Variants in MECOM observed in about 807,000 individuals in gnomAD.
MECOM encodes the protein MDS1 and EVI1 complex locus, also known as histone-lysine N-methyltransferase MECOM.
Under a neutral mutation model 116.3 loss-of-function variants are expected in MECOM, and 13 were observed. The observed-to-expected ratio is 0.11, with a 90% CI of 0.07 to 0.18. MECOM has a LOEUF of 0.18. MECOM is among the 10% of genes least tolerant of loss of function. The pLI is 1.00. For missense variants in MECOM, 1,299 were observed against 1,509.0 expected, an observed-to-expected ratio of 0.86 and a Z score of 2.31; for synonymous variants, 528 against 535.2, an observed-to-expected ratio of 0.99 and a Z score of 0.19.
chr3:169,522,914 A>G (rs1576704529), intron 1 of MECOM, among the ~76,000 whole-genome samples: 1 of 152,212 alleles, frequency 6.6e-6, no homozygotes, highest in East Asian at 1.9e-4. Flanking sequence ...ACCAGTATTT[A>G]GTGCCAGATC....
intron 1 of MECOM, among the ~76,000 whole-genome samples, chr3:169,600,122 C>T (rs941538759): frequency 5.3e-5 from 8 of 152,160 alleles, no homozygotes; most frequent in Admixed American, 4.6e-4. Flanking sequence ...GCTGTGTGTG[C>T]CACCACACCC....
intron 1 of MECOM, among the ~76,000 whole-genome samples, chr3:169,542,779 T>C (rs552875604): frequency 2.6e-4 from 39 of 152,344 alleles, no homozygotes; most frequent in African/African-American, 8.9e-4. Context: ...ATATCCTAAC[T>C]GCTGCATCCA....
At chr3:169,288,844 A>T (rs986939454) in intron 2 of MECOM, among the ~76,000 whole-genome samples, 1 of 152,248 alleles carries the variant, frequency 6.6e-6, no homozygotes, top group Non-Finnish European at 1.5e-5. Flanking sequence ...TGTGTAAAAT[A>T]GATTGCATAA....
Position 169,121,183 on chromosome 3 carries a change from C to T in MECOM, c.1005G>A (p.Gln335=), listed in dbSNP as rs1730907624. 1.9e-6 allele frequency: 3 copies of T among 1,612,066 alleles called. No homozygotes were observed. Among genetic ancestry groups the T allele is most frequent in the East Asian group, 4.5e-5 (2 of 44,848 alleles). Residue 335 remains glutamine, a synonymous_variant, in exon 7 of 17, where the codon CAG becomes CAA. Coordinates refer to ENST00000651503, the MANE Select transcript of MECOM (RefSeq NM_004991.4). ...AKVFTDPSNL[Q]RHIRSQHVGA... ...CGACATGCTGAGAGCGAATGTGCCG[C>T]TGAAGGTTGCTAGGGTCCGTGAAAA... is the stretch of plus-strand genomic sequence containing the variant.
chr3:169,504,964 A>T, intron 1 of MECOM, among the ~76,000 whole-genome samples: 1 of 152,170 alleles, frequency 6.6e-6, no homozygotes, highest in East Asian at 1.9e-4. Context: ...TACTGGCCCA[A>T]AAAGGAGGCT....
intron 1 of MECOM, among the ~76,000 whole-genome samples, chr3:169,444,027 CA>C (rs1277217946): frequency 2.6e-5 from 4 of 152,228 alleles, no homozygotes; most frequent in African/African-American, 4.8e-5. Flanking sequence ...AACTGCATCT[CA>C]GGGCTCTTTC....
At chr3:169,646,224 C>T (rs547464640) in intron 1 of MECOM, among the ~76,000 whole-genome samples, 52 of 149,208 alleles carry the variant, frequency 3.5e-4, no homozygotes, top group African/African-American at 1.2e-3. Flanking sequence ...TGCCAAACAC[C>T]GCATGTTCTC....
intron 3 of MECOM, among the ~76,000 whole-genome samples, chr3:169,139,320 T>G (rs371507716): frequency 2.6e-5 from 4 of 152,248 alleles, no homozygotes; most frequent in African/African-American, 9.6e-5. Context: ...TCACCTTGTG[T>G]AAATGACAAG....
At chr3:169,579,769 C>A (rs1017000663) in intron 1 of MECOM, among the ~76,000 whole-genome samples, 9 of 152,158 alleles carry the variant, frequency 5.9e-5, no homozygotes, top group Admixed American at 5.2e-4. Flanking sequence ...TATTCTACCA[C>A]CTATACACGG....
chr3:169,580,842 T>C (rs1765047816), intron 1 of MECOM, among the ~76,000 whole-genome samples: 1 of 152,212 alleles, frequency 6.6e-6, no homozygotes, highest in Admixed American at 6.5e-5. Flanking sequence ...TTTTGTTTTG[T>C]TTTGTTTTTG....
chr3:169,336,051 T>C (rs568184986), intron 2 of MECOM, among the ~76,000 whole-genome samples: 57 of 152,278 alleles, frequency 3.7e-4, no homozygotes, highest in Non-Finnish European at 6.5e-4. Context: ...GATATCAAAA[T>C]GGCTTTCTGG....
intron 1 of MECOM, among the ~76,000 whole-genome samples, chr3:169,570,846 A>G (rs1763804362): frequency 6.6e-6 from 1 of 152,196 alleles, no homozygotes. Flanking sequence ...TCTAAAAATA[A>G]TAAGAGCTAC....
intron 1 of MECOM, among the ~76,000 whole-genome samples, chr3:169,525,275 T>C (rs376683636): frequency 9.9e-5 from 15 of 152,238 alleles, no homozygotes; most frequent in Non-Finnish European, 1.5e-4. Context: ...GGTAATGACA[T>C]TGGAAATAAA....
At chr3:169,554,310 C>T (rs1031942739) in intron 1 of MECOM, among the ~76,000 whole-genome samples, 7 of 152,154 alleles carry the variant, frequency 4.6e-5, no homozygotes, top group South Asian at 2.1e-4. Context: ...AAAATGAACA[C>T]GTGCTGAGAT....
intron 2 of MECOM, among the ~76,000 whole-genome samples, chr3:169,272,615 C>T (rs1161653630): frequency 1.3e-5 from 2 of 152,230 alleles, no homozygotes; most frequent in South Asian, 4.1e-4. Flanking sequence ...TTTTAAATTA[C>T]ATCTGAATGC....
intron 1 of MECOM, chr3:169,389,536 G>C (rs1258323864): frequency 3.0e-6 from 3 of 984,812 alleles, no homozygotes; most frequent in East Asian, 1.1e-4. Flanking sequence ...ACAAATTTTT[G>C]AGAGACTTTT....
intron 2 of MECOM, among the ~76,000 whole-genome samples, chr3:169,340,291 G>A (rs1477299623): frequency 1.3e-5 from 2 of 152,082 alleles, no homozygotes; most frequent in East Asian, 1.9e-4. Context: ...ACGGGTTGCC[G>A]CTACTGATCG....
At chr3:169,549,379 AAG>A (rs1190039544) in intron 1 of MECOM, among the ~76,000 whole-genome samples, 3 of 151,726 alleles carry the variant, frequency 2.0e-5, no homozygotes, top group Non-Finnish European at 4.4e-5. Context: ...AACAGCATTA[AAG>A]AGAGAGTTTC....
chr3:169,168,337 C>CTTTTTT (rs1166736467), intron 2 of MECOM, among the ~76,000 whole-genome samples: 1 of 108,464 alleles, frequency 9.2e-6, no homozygotes, highest in Non-Finnish European at 1.9e-5. Context: ...ACTTGGCCTG[C>CTTTTTT]TTTTTTTTTT....
Sources: allele counts gnomAD v4.1 joint callset (sites outside exome capture counted in the v4.1 genomes callset), GRCh38; gene constraint gnomAD v4.1.1; transcripts MANE v1.5; gene names NCBI Gene and HGNC (gene_info 2026-07-23, HGNC 2026-07-21).